The following MTUS2 variants were observed in gnomAD, a reference collection of about 807,000 sequenced individuals.
MTUS2 encodes microtubule-associated tumor suppressor candidate 2.
Under a neutral mutation model 114.1 loss-of-function variants are expected in MTUS2, and 40 were observed. That is an observed-to-expected ratio of 0.35 (90% CI 0.27 to 0.46). The LOEUF (loss-of-function observed/expected upper bound fraction) is 0.46, where lower values mean the gene tolerates loss of function less well. Among genes scored for constraint, MTUS2 ranks in the 20% least tolerant of loss-of-function variants. The probability of loss-of-function intolerance (pLI) is 1.00; values close to 1 mark genes in which losing one functional copy is unlikely to be tolerated. For synonymous variants in MTUS2, 688 were observed against 672.0 expected (o/e 1.02, Z -0.37); for missense variants, 1,679 against 1,705.4 (o/e 0.98, Z 0.27).
intron 4 of MTUS2, among the ~76,000 whole-genome samples, chr13:29,077,618 G>C (rs1254446753): frequency 6.6e-6 from 1 of 152,170 alleles, no homozygotes; most frequent in Non-Finnish European, 1.5e-5. Context: ...GTGGTTATCA[G>C]TGAGCCACAG....
At chr13:29,477,111 G>C (rs929361189) in intron 9 of MTUS2, among the ~76,000 whole-genome samples, 1 of 152,186 alleles carries the variant, frequency 6.6e-6, no homozygotes, top group Non-Finnish European at 1.5e-5. Flanking sequence ...TGTTCCCTGG[G>C]CTGCCCTAGT....
At chr13:29,178,614 G>T (rs554843353) in intron 5 of MTUS2, among the ~76,000 whole-genome samples, 6 of 151,972 alleles carry the variant, frequency 3.9e-5, no homozygotes, top group African/African-American at 1.4e-4. Flanking sequence ...TCCAGATACT[G>T]CCAGATGTCC....
intron 8 of MTUS2, among the ~76,000 whole-genome samples, chr13:29,426,179 G>T (rs190206891): frequency 6.6e-6 from 1 of 152,280 alleles, no homozygotes; most frequent in East Asian, 1.9e-4. Flanking sequence ...ATAAATGCAA[G>T]CTACCACTTC....
In MTUS2 at chr13:29,026,780, C is replaced by A. The variant is rs774438028; in HGVS notation, c.2082C>A (p.Asn694Lys). The change falls in exon 3 of 16, where the codon AAC (asparagine) becomes AAA (lysine). Residue 694 changes from asparagine to lysine, a missense_variant. Physicochemically the swap from Asn to Lys is moderately conservative, Grantham distance 94 (BLOSUM62 0). Coordinates refer to ENST00000612955, the MANE Select transcript of MTUS2 (RefSeq NM_001033602.4). Reference protein sequence around the residue: ...AAGGDLKPSANLYEKFKPDLQ... With the variant: ...AAGGDLKPSAKLYEKFKPDLQ... ...GTGGTGACCTGAAGCCATCTGCCAA[C>A]CTCTATGAGAAATTCAAGCCAGACC... is the stretch of plus-strand genomic sequence containing the variant. 6.2e-7 allele frequency: 1 copy of A among 1,613,794 alleles called. No homozygotes were observed. Among genetic ancestry groups the A allele is most frequent in the South Asian group, 1.1e-5 (1 of 91,084 alleles).
chr13:29,329,293 CCT>C (rs1246834609), intron 7 of MTUS2, among the ~76,000 whole-genome samples: 1 of 151,898 alleles, frequency 6.6e-6, no homozygotes, highest in Non-Finnish European at 1.5e-5. Context: ...CCCCCCACCC[CCT>C]GACAGGCCCG....
At chr13:29,041,576 C>T (rs1393016580) in intron 4 of MTUS2, among the ~76,000 whole-genome samples, 1 of 152,160 alleles carries the variant, frequency 6.6e-6, no homozygotes, top group Non-Finnish European at 1.5e-5. Flanking sequence ...CATCCATGAG[C>T]ATGGCATATG....
intron 5 of MTUS2, among the ~76,000 whole-genome samples, chr13:29,108,198 C>A (rs1890745734): frequency 6.6e-6 from 1 of 152,202 alleles, no homozygotes; most frequent in Non-Finnish European, 1.5e-5. Context: ...ATGAGAGAGT[C>A]ATTTTTTATT....
Position 29,505,427 on chromosome 13 carries a change from C to G in MTUS2, c.*2221C>G, listed in dbSNP as rs1232739847. 2 of 229,904 alleles carry G rather than the reference C, an allele frequency of 8.7e-6. No individual in the cohort carries two copies. Among genetic ancestry groups the G allele is most frequent in the Non-Finnish European group, 1.7e-5 (2 of 116,636 alleles). The allele number at this position is 229,904 out of a possible 1,614,324, so 14.2% of individuals were successfully genotyped here. ...CCTGCCCTGACCTTGGGTACTTGAG[C>G]TAATTTCCACGTGGCCCTGGCTTCG... is the stretch of plus-strand genomic sequence containing the variant. On this transcript the variant is annotated 3_prime_UTR_variant, in exon 16 of 16. Transcript: ENST00000612955.
At chr13:29,132,455 A>G (rs996536863) in intron 5 of MTUS2, among the ~76,000 whole-genome samples, 2 of 152,180 alleles carry the variant, frequency 1.3e-5, no homozygotes, top group Non-Finnish European at 2.9e-5. Context: ...TGCAACCATC[A>G]CCACCACCCA....
chr13:28,927,059 C>T (rs943244636), intron 2 of MTUS2, among the ~76,000 whole-genome samples: 1 of 152,172 alleles, frequency 6.6e-6, no homozygotes, highest in African/African-American at 2.4e-5. Flanking sequence ...GATTTTGTTA[C>T]ACTTGTGGGA....
chr13:29,213,460 A>G (rs1895540455), intron 5 of MTUS2, among the ~76,000 whole-genome samples: 1 of 152,232 alleles, frequency 6.6e-6, no homozygotes. Context: ...CTATAATTGC[A>G]GACTTGTCTA....
chr13:28,852,596 G>A (rs1458309092), intron 2 of MTUS2, among the ~76,000 whole-genome samples: 1 of 152,124 alleles, frequency 6.6e-6, no homozygotes, highest in Non-Finnish European at 1.5e-5. Flanking sequence ...TGGGCACAAT[G>A]ACTCATGCCC....
At chr13:29,122,448 G>A (rs1215466285) in intron 5 of MTUS2, among the ~76,000 whole-genome samples, 2 of 152,134 alleles carry the variant, frequency 1.3e-5, no homozygotes, top group Admixed American at 6.5e-5. Flanking sequence ...AGCAAAGGGG[G>A]AAAAGCCCCT....
chr13:29,022,514 A>G (rs1463756488), intron 2 of MTUS2, among the ~76,000 whole-genome samples: 1 of 152,230 alleles, frequency 6.6e-6, no homozygotes, highest in Non-Finnish European at 1.5e-5. Context: ...AATATATGAA[A>G]CAACATATTA....
chr13:29,403,956 C>G (rs1011191752), intron 8 of MTUS2, among the ~76,000 whole-genome samples: 1 of 151,980 alleles, frequency 6.6e-6, no homozygotes, highest in Non-Finnish European at 1.5e-5. Flanking sequence ...CATCTAAACT[C>G]TTCCTCATAT....
intron 5 of MTUS2, among the ~76,000 whole-genome samples, chr13:29,131,068 T>C (rs538503667): frequency 6.6e-6 from 1 of 152,368 alleles, no homozygotes; most frequent in Admixed American, 6.5e-5. Context: ...ACATAGGTGT[T>C]GAATGGAATT....
intron 9 of MTUS2, among the ~76,000 whole-genome samples, chr13:29,469,637 A>AAAAGAAAG (rs57437952): frequency 1.6e-4 from 24 of 146,702 alleles, no homozygotes; most frequent in African/African-American, 6.0e-4. Context: ...AAAAAAAAAA[A>AAAAGAAAG]AAAGAAAGAA....
intron 2 of MTUS2, among the ~76,000 whole-genome samples, chr13:28,961,814 T>G (rs1218690034): frequency 6.6e-6 from 1 of 152,116 alleles, no homozygotes; most frequent in Non-Finnish European, 1.5e-5. Flanking sequence ...TAGGACATGA[T>G]TTTTCATGGT....
At chr13:29,407,444 G>GTACT (rs1295602945) in intron 8 of MTUS2, among the ~76,000 whole-genome samples, 28 of 136,568 alleles carry the variant, frequency 2.1e-4, no homozygotes, top group East Asian at 1.0e-3. Flanking sequence ...CAGAGTGATT[G>GTACT]TACTTATTTA....
Sources: allele counts gnomAD v4.1 joint callset (sites outside exome capture counted in the v4.1 genomes callset), GRCh38; gene constraint gnomAD v4.1.1; transcripts MANE v1.5; gene names NCBI Gene and HGNC (gene_info 2026-07-23, HGNC 2026-07-21).